Variants in FOXP1 observed in about 807,000 individuals in gnomAD.
FOXP1 encodes the protein forkhead box protein P1.
FOXP1 carries 15 observed loss-of-function variants against 98.2 expected under a neutral mutation model. The observed-to-expected ratio is 0.15, with a 90% CI of 0.10 to 0.24. The LOEUF (loss-of-function observed/expected upper bound fraction) is 0.24, where lower values mean the gene tolerates loss of function less well. Among genes scored for constraint, FOXP1 ranks in the 10% least tolerant of loss-of-function variants. The pLI is 1.00. For missense variants in FOXP1, 633 were observed against 848.5 expected (o/e 0.75, Z 3.15); for synonymous variants, 371 against 314.5 (o/e 1.18, Z -1.90).
At chr3:71,080,054 T>C (rs1372543640) in intron 7 of FOXP1, among the ~76,000 whole-genome samples, 1 of 152,234 alleles carries the variant, frequency 6.6e-6, no homozygotes, top group African/African-American at 2.4e-5. Flanking sequence ...TGTGCTTCTC[T>C]TTCTTGTGAA....
At position 71,581,638 on chromosome 3, in the gene FOXP1, T is replaced by TGCCCCCGG; in HGVS notation, c.-395_-388dup. 2 of 985,846 alleles carry TGCCCCCGG rather than the reference T, an allele frequency of 2.0e-6. No homozygotes were observed. The highest frequency in any genetic ancestry group is 2.4e-6 in the Non-Finnish European group (2 of 830,092). 61.1% of individuals were successfully genotyped at this position (985,846 alleles called of 1,614,324 possible). A position where few individuals can be genotyped will look rare whatever the true frequency, so the allele number is the denominator to read the frequency against. ...CCATGGTCCCCGGCGCCGCTGCCGC[T>TGCCCCCGG]GCCCCCGGCCCGCTCGCTCGCTCGC... On this transcript the variant is annotated 5_prime_UTR_variant, in exon 2 of 21. Transcript: ENST00000649528.
At chr3:71,450,444 T>A (rs1337224976) in intron 3 of FOXP1, among the ~76,000 whole-genome samples, 1 of 152,206 alleles carries the variant, frequency 6.6e-6, no homozygotes, top group Non-Finnish European at 1.5e-5. Context: ...GCCACAGAAA[T>A]TTTGATCTCA....
intron 9 of FOXP1, among the ~76,000 whole-genome samples, chr3:71,049,246 T>C (rs910705983): frequency 6.6e-6 from 1 of 152,200 alleles, no homozygotes; most frequent in Non-Finnish European, 1.5e-5. Flanking sequence ...TACTCCCTAC[T>C]GCCTAACATA....
At chr3:71,049,091 A>G (rs556264630) in intron 9 of FOXP1, among the ~76,000 whole-genome samples, 1 of 152,240 alleles carries the variant, frequency 6.6e-6, no homozygotes, top group East Asian at 1.9e-4. Context: ...ACTTCTCACA[A>G]TTGAATGCAT....
At chr3:71,140,449 G>A (rs543296624) in intron 6 of FOXP1, among the ~76,000 whole-genome samples, 11 of 152,284 alleles carry the variant, frequency 7.2e-5, no homozygotes, top group African/African-American at 2.6e-4. Flanking sequence ...TCCTGTTAGG[G>A]ATTTCAACCT....
intron 5 of FOXP1, among the ~76,000 whole-genome samples, chr3:71,266,188 T>C (rs1442989634): frequency 6.6e-6 from 1 of 152,216 alleles, no homozygotes; most frequent in Non-Finnish European, 1.5e-5. Flanking sequence ...GAAAGCCACC[T>C]AGCCCAGGAC....
At chr3:71,161,982 G>A (rs2061159566) in intron 6 of FOXP1, among the ~76,000 whole-genome samples, 1 of 152,180 alleles carries the variant, frequency 6.6e-6, no homozygotes, top group South Asian at 2.1e-4. Flanking sequence ...TCACCCAAAA[G>A]GGAAAAGCTC....
intron 5 of FOXP1, among the ~76,000 whole-genome samples, chr3:71,251,291 A>T (rs563087054): frequency 2.0e-3 from 299 of 152,340 alleles, no homozygotes; most frequent in African/African-American, 6.9e-3. Context: ...TGGAAACGAG[A>T]GTAACACTGT....
At chr3:71,338,322 T>C (rs1320445027) in intron 4 of FOXP1, among the ~76,000 whole-genome samples, 1 of 122,742 alleles carries the variant, frequency 8.1e-6, no homozygotes, top group East Asian at 4.2e-4. Context: ...CAAGGGTCAG[T>C]GTTATAGAAA....
chr3:70,972,499 T>C (rs776911844), intron 18 of FOXP1, 56 bp downstream of exon 18: 3 of 1,611,952 alleles, frequency 1.9e-6, no homozygotes, highest in Non-Finnish European at 2.5e-6. Context: ...GCCTCTACGT[T>C]ATACTTGTTA....
intron 4 of FOXP1, among the ~76,000 whole-genome samples, chr3:71,345,445 T>C (rs971050458): frequency 2.8e-4 from 31 of 111,566 alleles, no homozygotes; most frequent in African/African-American, 7.5e-4. Context: ...CACACACACA[T>C]ATATATACCA....
chr3:71,041,625 T>C (rs897097303), intron 10 of FOXP1, 93 bp from the exon 11 acceptor site: 8 of 1,270,200 alleles, frequency 6.3e-6, no homozygotes, highest in African/African-American at 1.5e-5. Context: ...AAACAAAGCC[T>C]AGTGTTAGGG....
At chr3:71,091,473 G>A (rs2055835561) in intron 7 of FOXP1, among the ~76,000 whole-genome samples, 1 of 151,520 alleles carries the variant, frequency 6.6e-6, no homozygotes, top group African/African-American at 2.4e-5. Flanking sequence ...CTGGGTGACA[G>A]AGCAAGACTC....
At chr3:71,337,144 G>A (rs1342773726) in intron 4 of FOXP1, among the ~76,000 whole-genome samples, 1 of 152,204 alleles carries the variant, frequency 6.6e-6, no homozygotes, top group African/African-American at 2.4e-5. Flanking sequence ...GTAAAAACAT[G>A]AGTTGTTTTT....
In FOXP1 at chr3:70,972,808, G is replaced by A. The variant is rs892375751; in HGVS notation, c.1531-132C>T. The A allele has an allele frequency of 5.9e-6, 5 of 841,376 alleles. No individual in the cohort carries two copies. In the African/African-American group the frequency reaches 6.9e-5, roughly 12 times the overall value. The allele number at this position is 841,376 out of a possible 1,614,324, so 52.1% of individuals were successfully genotyped here. A position where few individuals can be genotyped will look rare whatever the true frequency, so the allele number is the denominator to read the frequency against. The stretch of plus-strand genomic sequence containing the variant: ...GAGCTGTAGCTACCACCCCCGTGGA[G>A]GACCTTCTCATGGTTAAGGATGTCT... On this transcript the variant is annotated intron_variant, in intron 17 of 20. Transcript: ENST00000649528.
At chr3:70,964,023 G>A (rs75611581) in intron 20 of FOXP1, among the ~76,000 whole-genome samples, 5,182 of 152,234 alleles carry the variant, frequency 0.034, 284 homozygotes, top group African/African-American at 0.12. Context: ...ATGCATATTG[G>A]ACAAGAATGG....
chr3:71,456,250 GAA>G (rs1491564239), intron 3 of FOXP1, among the ~76,000 whole-genome samples: 25 of 151,322 alleles, frequency 1.7e-4, no homozygotes, highest in Admixed American at 2.0e-4. Context: ...GCACAACAGA[GAA>G]AGAGAGAGAG....
intron 20 of FOXP1, among the ~76,000 whole-genome samples, chr3:70,959,900 G>A (rs552401984): frequency 6.6e-6 from 1 of 152,266 alleles, no homozygotes; most frequent in African/African-American, 2.4e-5. Context: ...CTGAGTACCA[G>A]ATAACAGGTC....
At chr3:71,188,776 G>T (rs1290379940) in intron 6 of FOXP1, among the ~76,000 whole-genome samples, 1 of 152,146 alleles carries the variant, frequency 6.6e-6, no homozygotes, top group Admixed American at 6.5e-5. Context: ...AATAAATTCT[G>T]AAATTAATGG....
Sources: gnomAD v4.1 joint callset for allele counts (sites outside exome capture counted in the v4.1 genomes callset) on GRCh38, gnomAD v4.1.1 for gene constraint, MANE v1.5 for transcripts, NCBI Gene and HGNC (gene_info 2026-07-23, HGNC 2026-07-21) for gene names.